The following NAALADL2 variants were observed in gnomAD, a reference collection of about 807,000 sequenced individuals.
NAALADL2 encodes N-acetylated alpha-linked acidic dipeptidase like 2, also known as inactive N-acetylated-alpha-linked acidic dipeptidase-like protein 2.
In NAALADL2, 76 loss-of-function variants were observed where a neutral mutation model predicts 87.2. The ratio of observed to expected loss-of-function variants is 0.87; its 90% confidence interval spans 0.72 to 1.05. The LOEUF (loss-of-function observed/expected upper bound fraction) is 1.05. NAALADL2 is among the 50% of genes least tolerant of loss of function. The pLI is 0.00. For missense variants in NAALADL2, 1,089 were observed against 945.8 expected (o/e 1.15, Z -1.99); for synonymous variants, 354 against 331.0 (o/e 1.07, Z -0.75).
At chr3:174,771,201 G>A (rs899911996) in intron 3 of NAALADL2, among the ~76,000 whole-genome samples, 1 of 152,120 alleles carries the variant, frequency 6.6e-6, no homozygotes, top group East Asian at 1.9e-4. Flanking sequence ...TAGAGGCAAA[G>A]CATCTGATCT....
At chr3:175,361,432 G>A (rs200880030) in intron 5 of NAALADL2, among the ~76,000 whole-genome samples, 1,556 of 147,904 alleles carry the variant, frequency 0.011, 125 homozygotes, top group Non-Finnish European at 0.016. Flanking sequence ...GATCCTTGAG[G>A]AATCGCCACA....
At chr3:174,678,279 G>A (rs550087408) in intron 2 of NAALADL2, among the ~76,000 whole-genome samples, 1 of 152,238 alleles carries the variant, frequency 6.6e-6, no homozygotes, top group South Asian at 2.1e-4. Flanking sequence ...CAGCTATTAG[G>A]TGATGCTGAT....
At chr3:175,726,578 G>A (rs368100819) in intron 11 of NAALADL2, among the ~76,000 whole-genome samples, 1 of 152,100 alleles carries the variant, frequency 6.6e-6, no homozygotes, top group East Asian at 1.9e-4. Flanking sequence ...CATCCACAGT[G>A]GTAGCTGTGG....
At chr3:175,450,820 A>G (rs908230817) in intron 6 of NAALADL2, among the ~76,000 whole-genome samples, 4 of 152,082 alleles carry the variant, frequency 2.6e-5, no homozygotes, top group African/African-American at 9.7e-5. Flanking sequence ...TAGTTCAAGG[A>G]TGGTACAAGT....
chr3:175,504,355 G>A (rs183390766), intron 9 of NAALADL2, among the ~76,000 whole-genome samples: 55 of 152,218 alleles, frequency 3.6e-4, no homozygotes, highest in African/African-American at 1.3e-3. Flanking sequence ...AATTTTGGGG[G>A]GCCAGGGTGA....
chr3:174,744,215 G>A (rs1734033100), intron 3 of NAALADL2, among the ~76,000 whole-genome samples: 1 of 151,886 alleles, frequency 6.6e-6, no homozygotes, highest in Admixed American at 6.6e-5. Flanking sequence ...TAAAATAGGA[G>A]ATAATAGCCT....
chr3:175,068,333 T>C (rs1439933603), intron 1 of NAALADL2, among the ~76,000 whole-genome samples: 3 of 152,084 alleles, frequency 2.0e-5, no homozygotes, highest in African/African-American at 7.2e-5. Context: ...AAGTTATAGA[T>C]GGACATCATT....
chr3:175,149,755 C>A (rs1433694367), intron 2 of NAALADL2, among the ~76,000 whole-genome samples: 1 of 152,116 alleles, frequency 6.6e-6, no homozygotes, highest in East Asian at 1.9e-4. Context: ...TGGCTTGAAC[C>A]TGAACAGATT....
intron 5 of NAALADL2, among the ~76,000 whole-genome samples, chr3:175,337,499 T>C (rs1356502898): frequency 6.6e-6 from 1 of 152,010 alleles, no homozygotes; most frequent in Non-Finnish European, 1.5e-5. Context: ...AAAAAGAGAT[T>C]AGGATACAGA....
intron 2 of NAALADL2, among the ~76,000 whole-genome samples, chr3:174,637,849 A>C (rs998390983): frequency 6.6e-6 from 1 of 152,102 alleles, no homozygotes. Context: ...TCCTCTGCTA[A>C]AACTTTATTT....
At chr3:175,013,688 G>C (rs989999796) in intron 1 of NAALADL2, among the ~76,000 whole-genome samples, 1 of 151,978 alleles carries the variant, frequency 6.6e-6, no homozygotes, top group African/African-American at 2.4e-5. Flanking sequence ...AATTCTTCAA[G>C]AATTTGAACC....
At chr3:175,752,185 G>A (rs1000181138) in intron 12 of NAALADL2, among the ~76,000 whole-genome samples, 2 of 152,086 alleles carry the variant, frequency 1.3e-5, no homozygotes, top group Non-Finnish European at 2.9e-5. Context: ...GAAATAAAAT[G>A]TATTTTCTGA....
At chr3:175,077,977 T>A (rs565707727) in intron 1 of NAALADL2, among the ~76,000 whole-genome samples, 4 of 152,056 alleles carry the variant, frequency 2.6e-5, no homozygotes, top group Middle Eastern at 3.4e-3. Context: ...ACACTCATAA[T>A]GAGAATAATG....
rs750185480 is a variant in NAALADL2, at chr3:175,206,264, T to TATATATATATATATATATATATATATA, written c.546-27667_546-27666insATATATATATATATATATATATATATA. Among the ~76,000 whole-genome samples, 36 of 69,618 alleles carry TATATATATATATATATATATATATATA rather than the reference T, an allele frequency of 5.2e-4. 2 individuals are homozygous for TATATATATATATATATATATATATATA. The highest frequency in any genetic ancestry group is 1.2e-3 in the African/African-American group (21 of 16,818). The allele number at this position is 69,618 out of a possible 152,430, so 45.7% of individuals were successfully genotyped here. Reference sequence around the variant, plus strand: ...AAAAACTATATATATATATATATATTTTTTTTTTTCACTGTGTGTGTGTAT... The same window carrying TATATATATATATATATATATATATATA: ...AAAAACTATATATATATATATATATTATATATATATATATATATATATATATATTTTTTTTTCACTGTGTGTGTGTAT... On this transcript the variant is annotated intron_variant, in intron 2 of 13. Coordinates refer to ENST00000454872, the MANE Select transcript of NAALADL2 (RefSeq NM_207015.3).
intron 1 of NAALADL2, among the ~76,000 whole-genome samples, chr3:175,070,864 T>A (rs1580292262): frequency 1.3e-5 from 2 of 152,102 alleles, no homozygotes; most frequent in African/African-American, 4.8e-5. Context: ...ATATATTTTG[T>A]ATGTGAGTGA....
At chr3:174,699,821 C>A (rs1242449345) in intron 2 of NAALADL2, among the ~76,000 whole-genome samples, 9 of 143,386 alleles carry the variant, frequency 6.3e-5, no homozygotes, top group African/African-American at 2.3e-4. Flanking sequence ...ACATTTAAGG[C>A]CCTCATTTTA....
chr3:175,329,037 T>A lies in NAALADL2; in HGVS notation c.1090+4712T>A, dbSNP rs1055788144. Among the ~76,000 whole-genome samples, 17 of 152,178 alleles carry A rather than the reference T, an allele frequency of 1.1e-4. 1 individual carries two copies. Among genetic ancestry groups the A allele is most frequent in the African/African-American group, 3.6e-4 (15 of 41,448 alleles). On this transcript the variant is annotated intron_variant, in intron 5 of 13. Coordinates refer to ENST00000454872, the MANE Select transcript of NAALADL2 (RefSeq NM_207015.3). ...CATCTACTTTCTTTAATAATTTCTC[T>A]TCTGAATTCTGTGTTGACTACAGTG...
intron 4 of NAALADL2, among the ~76,000 whole-genome samples, chr3:175,314,563 C>CTA (rs57049565): frequency 0.048 from 3,309 of 69,468 alleles, 167 homozygotes; most frequent in Non-Finnish European, 0.05. Context: ...CACATTCTAA[C>CTA]TATATATATA....
chr3:175,197,864 G>T (rs1739248556), intron 2 of NAALADL2, among the ~76,000 whole-genome samples: 1 of 152,028 alleles, frequency 6.6e-6, no homozygotes. Flanking sequence ...AATTACCACT[G>T]AGGGCAGCTG....
Sources: allele counts gnomAD v4.1 joint callset (sites outside exome capture counted in the v4.1 genomes callset), GRCh38; gene constraint gnomAD v4.1.1; transcripts MANE v1.5; gene names NCBI Gene and HGNC (gene_info 2026-07-23, HGNC 2026-07-21).